The following CNPY1 variants were observed in gnomAD, a reference collection of about 807,000 sequenced individuals.
CNPY1 encodes the protein canopy FGF signaling regulator 1.
In CNPY1, 14 loss-of-function variants were observed where a neutral mutation model predicts 14.4. The ratio of observed to expected loss-of-function variants is 0.97; its 90% CI spans 0.64 to 1.52. CNPY1 has a LOEUF of 1.52. CNPY1 is among the 40% of genes most tolerant of loss of function. The pLI, the probability that CNPY1 is intolerant of heterozygous loss-of-function variation, is 0.00. For missense variants in CNPY1, 129 were observed against 131.5 expected (o/e 0.98, Z 0.09); for synonymous variants, 43 against 46.5 (o/e 0.92, Z 0.31).
At chr7:155,516,714 C>T (rs1286183457) in intron 2 of CNPY1, among the ~76,000 whole-genome samples, 2 of 152,182 alleles carry the variant, frequency 1.3e-5, no homozygotes, top group African/African-American at 2.4e-5. Context: ...GAGTCTACTT[C>T]TTACAGTCAC....
At chr7:155,504,156 C>T (rs910234986) in intron 4 of CNPY1, among the ~76,000 whole-genome samples, 1 of 152,184 alleles carries the variant, frequency 6.6e-6, no homozygotes, top group African/African-American at 2.4e-5. Flanking sequence ...AAACAGAGTA[C>T]ATTTGATGAC....
rs1796128727 is a variant in CNPY1 at position 155,502,003 on chromosome 7, T to TGGGGGGGGTGG, written c.*1064_*1065insCCACCCCCCCC. 4.8e-5 allele frequency: 6 copies of TGGGGGGGGTGG among 125,384 alleles called. No individual in the cohort carries two copies. The highest frequency in any genetic ancestry group is 5.0e-5 in the Non-Finnish European group (3 of 60,110). 7.8% of individuals were successfully genotyped at this position (125,384 alleles called of 1,614,324 possible). ...GCAAAGAGTTTTGGGTCGGGGGGGT[T>TGGGGGGGGTGG]GGGGGGGGGATTTGTAGCATCCTAC... On this transcript the variant is annotated 3_prime_UTR_variant, in exon 5 of 5. Transcript: ENST00000636446.
In CNPY1 at chr7:155,513,621, AAAGGT is replaced by A. The variant is rs536186347; in HGVS notation, c.100-4529_100-4525del. On this transcript the variant is annotated intron_variant, in intron 2 of 4. Coordinates refer to ENST00000636446, the MANE Select transcript of CNPY1 (RefSeq NM_001393663.1). ...TATATGCTTAGGTTGTTCAAAAAAA[AAAGGT>A]AATAAAATAAGAACAATGTGATTTT... is the stretch of plus-strand genomic sequence containing the variant. Among the ~76,000 whole-genome samples, 820 of 152,218 alleles carry A rather than the reference AAAGGT, an allele frequency of 5.4e-3. 7 individuals are homozygous for A. Among genetic ancestry groups the A allele is most frequent in the African/African-American group, 0.019 (777 of 41,550 alleles).
chr7:155,531,952 G>A (rs182564347), intron 2 of CNPY1, among the ~76,000 whole-genome samples: 9 of 152,310 alleles, frequency 5.9e-5, no homozygotes, highest in Admixed American at 3.9e-4. Flanking sequence ...CTCACTGTGC[G>A]CACTGTCACT....
At chr7:155,509,348 A>G (rs1796445673) in intron 2 of CNPY1, among the ~76,000 whole-genome samples, 1 of 152,244 alleles carries the variant, frequency 6.6e-6, no homozygotes, top group African/African-American at 2.4e-5. Flanking sequence ...CCAGAAAAAA[A>G]ATACATTCAA....
intron 2 of CNPY1, among the ~76,000 whole-genome samples, chr7:155,528,810 C>T (rs1040087447): frequency 1.3e-5 from 2 of 152,178 alleles, no homozygotes; most frequent in African/African-American, 4.8e-5. Context: ...CCTGTAATCC[C>T]AGCACTTTGG....
intron 2 of CNPY1, among the ~76,000 whole-genome samples, chr7:155,544,988 C>T (rs972958423): frequency 2.0e-5 from 3 of 152,208 alleles, no homozygotes; most frequent in African/African-American, 7.2e-5. Flanking sequence ...CGGCACCTGT[C>T]TGTGACTCTC....
Position 155,503,039 on chromosome 7 carries a change from T to C in CNPY1, c.*29A>G, listed in dbSNP as rs768888943. The C allele has an allele frequency of 5.6e-6, 9 of 1,602,764 alleles. No individual in the cohort carries two copies. The South Asian group carries it at 1.0e-4, about 18-fold the overall frequency. ...CATTGACCTTTGGGTGTGACTTTAC[T>C]CCTCTCTACGACCAGCAGAACGGCA... On this transcript the variant is annotated 3_prime_UTR_variant, in exon 5 of 5. Transcript: ENST00000636446.
intron 2 of CNPY1, 131 bp from the exon 3 acceptor site, chr7:155,509,228 C>A: frequency 1.8e-6 from 1 of 557,120 alleles, no homozygotes; most frequent in Non-Finnish European, 3.1e-6. Flanking sequence ...AGCACGGGCC[C>A]AGAAGACGGT....
chr7:155,521,054 AGAAGGAAG>A (rs58757238), intron 2 of CNPY1, among the ~76,000 whole-genome samples: 20,393 of 148,384 alleles, frequency 0.14, 2,270 homozygotes, highest in African/African-American at 0.31. Context: ...AAAAAAAGAA[AGAAGGAAG>A]GAAGGAAGGA....
chr7:155,524,330 G>T (rs1048813392), intron 2 of CNPY1, among the ~76,000 whole-genome samples: 1 of 152,218 alleles, frequency 6.6e-6, no homozygotes, highest in African/African-American at 2.4e-5. Context: ...TGTAAGGCAG[G>T]GGTCCTCAAC....
chr7:155,531,007 G>GTCTGCTC (rs1716519324), intron 2 of CNPY1, among the ~76,000 whole-genome samples: 1 of 152,238 alleles, frequency 6.6e-6, no homozygotes, highest in Admixed American at 6.5e-5. Context: ...GACGAAGGCT[G>GTCTGCTC]TCTGCTCTCC....
At position 155,507,059 on chromosome 7, in the gene CNPY1, T is replaced by C. The variant is rs1796341405; in HGVS notation, c.361A>G (p.Thr121Ala). 1.2e-6 allele frequency: 2 copies of C among 1,612,838 alleles called. No homozygotes were observed. The highest frequency in any genetic ancestry group is 4.5e-5 in the East Asian group (2 of 44,822). Residue 121 changes from threonine (T) to alanine (A), a missense_variant, in exon 4 of 5, where the codon ACA becomes GCA. Transcript: ENST00000636446. ...DEISSLIAQE[T>A]HYLADKLCSE... is the part of the protein sequence containing the mutation. Reference sequence around the variant, plus strand: ...CACAGCTTGTCAGCTAGATAGTGTGTCTCCTGGGCGATAAGTGAGGATATT... The same window carrying C: ...CACAGCTTGTCAGCTAGATAGTGTGCCTCCTGGGCGATAAGTGAGGATATT...
chr7:155,521,047 A>AC (rs796088589), intron 2 of CNPY1, among the ~76,000 whole-genome samples: 1 of 83,042 alleles, frequency 1.2e-5, no homozygotes, highest in Non-Finnish European at 2.9e-5. Context: ...GAATGAAAAA[A>AC]AAAGAAAGAA....
intron 2 of CNPY1, among the ~76,000 whole-genome samples, chr7:155,529,472 C>G (rs1368379831): frequency 6.6e-6 from 1 of 152,226 alleles, no homozygotes; most frequent in African/African-American, 2.4e-5. Context: ...GAGGAACCAG[C>G]AGGGCCGTGA....
Position 155,507,025 on chromosome 7 carries a change from T to C in CNPY1, c.395A>G (p.Lys132Arg), listed in dbSNP as rs1337166946. 2 of 1,606,386 alleles carry C rather than the reference T, an allele frequency of 1.2e-6. No homozygotes were observed. The highest frequency in any genetic ancestry group is 2.7e-5 in the African/African-American group (2 of 74,816). The change falls in exon 4 of 5, where the codon AAA becomes AGA. Residue 132 changes from lysine (K) to arginine (R), a missense_variant. Transcript: ENST00000636446. ...HYLADKLCSEKSDLCETSANH... is the reference protein window; with the variant it reads ...HYLADKLCSERSDLCETSANH... The stretch of plus-strand genomic sequence containing the variant: ...TGTTACATCAGACACAGTACCTGAT[T>C]TTTCACTGCACAGCTTGTCAGCTAG...
At chr7:155,504,354 T>C (rs1385973621) in intron 4 of CNPY1, among the ~76,000 whole-genome samples, 2 of 152,190 alleles carry the variant, frequency 1.3e-5, no homozygotes, top group African/African-American at 4.8e-5. Flanking sequence ...TTTTCTCCAT[T>C]CTTCCCCACT....
At chr7:155,527,434 C>CT (rs11364914) in intron 2 of CNPY1, among the ~76,000 whole-genome samples, 24,436 of 57,132 alleles carry the variant, frequency 0.43, 6,631 homozygotes, top group South Asian at 0.55. Flanking sequence ...TAATTAATTT[C>CT]TTTTTTTTTT....
chr7:155,546,482 C>G lies in CNPY1; in HGVS notation c.-68G>C, dbSNP rs1797158008. 2.5e-6 allele frequency: 1 copy of G among 397,412 alleles called. No homozygotes were observed. Among genetic ancestry groups the G allele is most frequent in the African/African-American group, 2.1e-5 (1 of 48,272 alleles). The allele number at this position is 397,412 out of a possible 1,614,324, so 24.6% of individuals were successfully genotyped here. Reference sequence around the variant, plus strand: ...AGTATCAGCCACCATGTGCAGCCTTCAAATGTGCTTTCCTATTTATTCATT... The same window carrying G: ...AGTATCAGCCACCATGTGCAGCCTTGAAATGTGCTTTCCTATTTATTCATT... On this transcript the variant is annotated 5_prime_UTR_variant, in exon 1 of 5. Transcript: ENST00000636446.
Sources: allele counts gnomAD v4.1 joint callset (sites outside exome capture counted in the v4.1 genomes callset), GRCh38; gene constraint gnomAD v4.1.1; transcripts MANE v1.5; gene names NCBI Gene and HGNC (gene_info 2026-07-23, HGNC 2026-07-21).